EFL1: variants seen among roughly 807,000 people sequenced by gnomAD.
The protein encoded by EFL1 is elongation factor like GTPase 1.
Under a neutral mutation model 126.7 loss-of-function variants are expected in EFL1, and 76 were observed. The ratio of observed to expected loss-of-function variants is 0.60; its 90% confidence interval spans 0.50 to 0.73. EFL1 has a LOEUF of 0.73. EFL1 is among the 30% of genes least tolerant of loss of function. The pLI, the probability that EFL1 is intolerant of heterozygous loss-of-function variation, is 0.00. For synonymous variants in EFL1, 410 were observed against 448.4 expected, an observed-to-expected ratio of 0.91 and a Z score of 1.08; for missense variants, 1,128 against 1,343.2, an observed-to-expected ratio of 0.84 and a Z score of 2.50.
At position 82,220,062 on chromosome 15, in the gene EFL1, C is replaced by T. The variant is rs763583866; in HGVS notation, c.1444+16G>A. Reference sequence around the variant, plus strand: ...GGCAAATACTTTGCAACAGAGCCTACTTAGGAAAGCTATACCTCTTGGCTC... The same window carrying T: ...GGCAAATACTTTGCAACAGAGCCTATTTAGGAAAGCTATACCTCTTGGCTC... On this transcript the variant is annotated intron_variant, in intron 13 of 19. Coordinates refer to ENST00000268206, the MANE Select transcript of EFL1 (RefSeq NM_024580.6). 1.7e-5 allele frequency: 27 copies of T among 1,585,198 alleles called. 2 individuals are homozygous for T. The South Asian group carries it at 2.1e-4, about 12-fold the overall frequency.
Position 82,224,351 on chromosome 15 carries a change from G to A in EFL1, c.1292+814C>T, listed in dbSNP as rs188053210. 3.3e-5 allele frequency among the ~76,000 whole-genome samples: 5 copies of A among 152,086 alleles called. No homozygotes were observed. The East Asian group carries it at 9.7e-4, about 29-fold the overall frequency. On this transcript the variant is annotated intron_variant, in intron 12 of 19. Coordinates refer to ENST00000268206, the MANE Select transcript of EFL1 (RefSeq NM_024580.6). Reference sequence around the variant, plus strand: ...AAGGCTTTATCACTTGACATACACAGGCAATACACACAAATACACATTAAA... The same window carrying A: ...AAGGCTTTATCACTTGACATACACAAGCAATACACACAAATACACATTAAA...
In EFL1 at chr15:82,259,130, A is replaced by G; in HGVS notation, c.117T>C (p.Leu39=). The change falls in exon 3 of 20, where the codon CTT becomes CTC. Residue 39 remains leucine (L), a synonymous_variant. Coordinates refer to ENST00000268206, the MANE Select transcript of EFL1 (RefSeq NM_024580.6). ...TGGAGATGATTCCATTGCTAGATAT[A>G]AGACAGTCAGCCAGAGTAGTTTTTC... The part of the protein sequence containing the change: ...DHGKTTLADC[L]ISSNGIISSR... The G allele has an allele frequency of 6.2e-7, 1 of 1,614,072 alleles. No homozygotes were observed. The highest frequency in any genetic ancestry group is 8.5e-7 in the Non-Finnish European group (1 of 1,179,942).
intron 7 of EFL1, 45 bp downstream of exon 7, chr15:82,238,262 A>G (rs779091967): frequency 3.2e-6 from 5 of 1,585,442 alleles, no homozygotes; most frequent in Non-Finnish European, 4.3e-6. Context: ...AATCAACTGC[A>G]TATAAAATCT....
At chr15:82,203,167 A>G (rs2074488623) in intron 15 of EFL1, among the ~76,000 whole-genome samples, 1 of 152,226 alleles carries the variant, frequency 6.6e-6, no homozygotes, top group South Asian at 2.1e-4. Context: ...AAAAACAGGT[A>G]AAAGAAAACT....
chr15:82,262,640 C>T lies in EFL1; in HGVS notation c.-46G>A. 4.2e-6 allele frequency: 2 copies of T among 473,496 alleles called. No homozygotes were observed. Among genetic ancestry groups the T allele is most frequent in the Non-Finnish European group, 7.5e-6 (2 of 267,520 alleles). The allele number at this position is 473,496 out of a possible 1,614,324, so 29.3% of individuals were successfully genotyped here. A position where few individuals can be genotyped will look rare whatever the true frequency, so the allele number is the denominator to read the frequency against. ...GGCTGCAGCAGCCCCACCAGCCCCG[C>T]TCCTTCTCTCGGGTCGCACCCACAC... On this transcript the variant is annotated 5_prime_UTR_variant, in exon 1 of 20. Coordinates refer to ENST00000268206, the MANE Select transcript of EFL1 (RefSeq NM_024580.6).
At chr15:82,244,722 G>A (rs1383810248) in intron 4 of EFL1, among the ~76,000 whole-genome samples, 1 of 152,080 alleles carries the variant, frequency 6.6e-6, no homozygotes, top group Non-Finnish European at 1.5e-5. Context: ...CCTTGCCCAT[G>A]GTTTTAAAGT....
chr15:82,262,006 T>C, intron 1 of EFL1: 1 of 436,182 alleles, frequency 2.3e-6, no homozygotes, highest in East Asian at 3.7e-5. Flanking sequence ...CTTAAGGAGT[T>C]TGCTCATCCT....
At position 82,211,549 on chromosome 15, in the gene EFL1, TACAC is replaced by T. The variant is rs35812924; in HGVS notation, c.1750+3164_1750+3167del. Among the ~76,000 whole-genome samples, 97 of 94,360 alleles carry T rather than the reference TACAC, an allele frequency of 1.0e-3. 2 individuals are homozygous for T. Among genetic ancestry groups the T allele is most frequent in the East Asian group, 2.1e-3 (8 of 3,860 alleles). 61.9% of individuals were successfully genotyped at this position (94,360 alleles called of 152,430 possible). A position where few individuals can be genotyped will look rare whatever the true frequency, so the allele number is the denominator to read the frequency against. Reference sequence around the variant, plus strand: ...TCAAAGAAAAAAAAAAAAATCTATATACACACACACACACACACACACACACACA... The same window carrying T: ...TCAAAGAAAAAAAAAAAAATCTATATACACACACACACACACACACACACA... On this transcript the variant is annotated intron_variant, in intron 15 of 19. Transcript: ENST00000268206.
chr15:82,234,973 C>G (rs1022335404), intron 7 of EFL1, among the ~76,000 whole-genome samples: 3 of 152,170 alleles, frequency 2.0e-5, no homozygotes, highest in East Asian at 1.9e-4. Context: ...CAATTACCTA[C>G]TCCATTCTGA....
chr15:82,247,326 G>C (rs918835838), intron 4 of EFL1, among the ~76,000 whole-genome samples: 1 of 152,110 alleles, frequency 6.6e-6, no homozygotes, highest in Non-Finnish European at 1.5e-5. Context: ...ATGTTGTTGA[G>C]AGGATAAGCT....
intron 4 of EFL1, among the ~76,000 whole-genome samples, chr15:82,243,950 C>G (rs925207645): frequency 6.6e-5 from 10 of 152,096 alleles, no homozygotes; most frequent in Admixed American, 6.5e-4. Flanking sequence ...GAGCTCACAT[C>G]ACACATACAT....
At chr15:82,220,845 G>A (rs574982823) in intron 12 of EFL1, among the ~76,000 whole-genome samples, 42 of 152,330 alleles carry the variant, frequency 2.8e-4, no homozygotes, top group African/African-American at 9.9e-4. Context: ...TCAGGACGCA[G>A]AGAAGGTATT....
intron 15 of EFL1, among the ~76,000 whole-genome samples, chr15:82,211,669 A>G (rs2074592440): frequency 6.9e-6 from 1 of 144,010 alleles, no homozygotes; most frequent in South Asian, 2.2e-4. Flanking sequence ...CCTAGCTTTG[A>G]AAAGTTGCTT....
At chr15:82,219,417 A>G (rs1177576658) in intron 14 of EFL1, among the ~76,000 whole-genome samples, 2 of 152,246 alleles carry the variant, frequency 1.3e-5, no homozygotes, top group Non-Finnish European at 2.9e-5. Context: ...GAAAAGCCTT[A>G]TAATTAAACA....
At chr15:82,194,691 A>G (rs1250547722) in intron 15 of EFL1, among the ~76,000 whole-genome samples, 1 of 152,264 alleles carries the variant, frequency 6.6e-6, no homozygotes, top group Admixed American at 6.5e-5. Flanking sequence ...CTTCTCCAAG[A>G]TGACAGGCAT....
intron 19 of EFL1, among the ~76,000 whole-genome samples, chr15:82,132,534 G>GT (rs1043249805): frequency 4.9e-5 from 6 of 122,746 alleles, no homozygotes; most frequent in Non-Finnish European, 1.0e-4. Context: ...GACAGTAGAA[G>GT]TGAGAGCAGC....
chr15:82,169,640 T>C (rs560042335), intron 15 of EFL1, among the ~76,000 whole-genome samples: 2 of 152,328 alleles, frequency 1.3e-5, no homozygotes, highest in East Asian at 1.9e-4. Flanking sequence ...TATTTTTTTT[T>C]CTCCAGACTA....
chr15:82,249,380 A>T (rs1382835967), intron 4 of EFL1, among the ~76,000 whole-genome samples: 1 of 151,938 alleles, frequency 6.6e-6, no homozygotes, highest in Non-Finnish European at 1.5e-5. Flanking sequence ...ATAAACTTGT[A>T]AATTTATTTA....
rs72751603 is a variant in EFL1, at chr15:82,244,613, G to A, written c.245-3210C>T. The stretch of plus-strand genomic sequence containing the variant: ...ACAATCCAATCTTTTTATGTTCCAG[G>A]GGGCTGAAAAAAAAGTTGGAAGAAC... On this transcript the variant is annotated intron_variant, in intron 4 of 19. Transcript: ENST00000268206. Among the ~76,000 whole-genome samples the A allele has an allele frequency of 6.9e-3, 1,054 of 152,152 alleles. 11 individuals are homozygous for A. The highest frequency in any genetic ancestry group is 8.2e-3 in the Non-Finnish European group (557 of 68,016).
Sources: allele counts gnomAD v4.1 joint callset (sites outside exome capture counted in the v4.1 genomes callset), GRCh38; gene constraint gnomAD v4.1.1; transcripts MANE v1.5; gene names NCBI Gene and HGNC (gene_info 2026-07-23, HGNC 2026-07-21).